The following TBC1D5 variants were observed in gnomAD, a reference collection of about 807,000 sequenced individuals.
TBC1D5 encodes TBC1 domain family member 5.
Under a neutral mutation model 100.3 loss-of-function variants are expected in TBC1D5, and 75 were observed. That is an observed-to-expected ratio of 0.75 (90% confidence interval 0.62 to 0.91). The LOEUF is 0.91. TBC1D5 is among the 40% of genes least tolerant of loss of function. The pLI is 0.00. For missense variants in TBC1D5, 910 were observed against 942.4 expected (o/e 0.97, Z 0.45); for synonymous variants, 323 against 325.6 (o/e 0.99, Z 0.09).
intron 16 of TBC1D5, among the ~76,000 whole-genome samples, chr3:17,252,493 T>C (rs2077259424): frequency 1.3e-5 from 2 of 152,194 alleles, no homozygotes; most frequent in Non-Finnish European, 1.5e-5. Context: ...GCCTGACATA[T>C]AAGAGGAAGC....
chr3:17,632,736 T>C (rs1252181673), intron 1 of TBC1D5, among the ~76,000 whole-genome samples: 1 of 152,240 alleles, frequency 6.6e-6, no homozygotes. Context: ...TCACATTTTT[T>C]AGCATGAAGG....
intron 2 of TBC1D5, among the ~76,000 whole-genome samples, chr3:17,599,135 C>CAGGA (rs2060765866): frequency 1.3e-5 from 2 of 152,178 alleles, no homozygotes; most frequent in Admixed American, 6.6e-5. Flanking sequence ...GTGATACAGA[C>CAGGA]AGGAGGCAGG....
intron 3 of TBC1D5, among the ~76,000 whole-genome samples, chr3:17,504,173 CATAAGTG>C: frequency 0.019 from 2 of 106 alleles, no homozygotes; most frequent in Non-Finnish European, 0.024. Flanking sequence ...TATTAATTAA[CATAAGTG>C]GAGGTACTCA....
At chr3:17,285,451 G>A (rs1053048322) in intron 15 of TBC1D5, among the ~76,000 whole-genome samples, 12 of 151,248 alleles carry the variant, frequency 7.9e-5, no homozygotes, top group Non-Finnish European at 1.5e-4. Context: ...TAGTAGAGAC[G>A]GGGTTTCACC....
intron 1 of TBC1D5, among the ~76,000 whole-genome samples, chr3:17,706,486 A>G (rs1012590833): frequency 2.6e-5 from 4 of 152,104 alleles, no homozygotes; most frequent in Admixed American, 6.5e-5. Context: ...TTAAACATGT[A>G]TTTCTTGAAT....
chr3:17,681,901 A>G (rs1179720714), intron 1 of TBC1D5, among the ~76,000 whole-genome samples: 1 of 151,580 alleles, frequency 6.6e-6, no homozygotes, highest in African/African-American at 2.4e-5. Flanking sequence ...TAAGATCATC[A>G]GCAGCATTAG....
At chr3:17,691,669 T>G (rs2071181367) in intron 1 of TBC1D5, among the ~76,000 whole-genome samples, 2 of 151,664 alleles carry the variant, frequency 1.3e-5, no homozygotes, top group Admixed American at 6.6e-5. Context: ...ATACAAAAAT[T>G]AGTTGGGCAT....
intron 2 of TBC1D5, among the ~76,000 whole-genome samples, chr3:17,519,201 T>A (rs980605198): frequency 1.3e-5 from 2 of 152,194 alleles, no homozygotes; most frequent in Non-Finnish European, 2.9e-5. Context: ...TTTTCAGGCT[T>A]AAGAAGCAGA....
intron 13 of TBC1D5, among the ~76,000 whole-genome samples, chr3:17,311,080 T>C (rs1268455010): frequency 6.6e-6 from 1 of 152,054 alleles, no homozygotes; most frequent in African/African-American, 2.4e-5. Flanking sequence ...AGCTTTTATA[T>C]TCTTGGAAAG....
intron 15 of TBC1D5, among the ~76,000 whole-genome samples, chr3:17,268,115 T>C (rs967902669): frequency 6.6e-6 from 1 of 150,936 alleles, no homozygotes; most frequent in Non-Finnish European, 1.5e-5. Context: ...TGGAGAAGAG[T>C]CCATGTAGAT....
intron 1 of TBC1D5, among the ~76,000 whole-genome samples, chr3:17,676,554 A>G (rs568907282): frequency 6.6e-6 from 1 of 152,292 alleles, no homozygotes; most frequent in East Asian, 1.9e-4. Flanking sequence ...AAGAATCAAT[A>G]TCGTGAAAAT....
chr3:17,473,335 G>A (rs893220575), intron 3 of TBC1D5, among the ~76,000 whole-genome samples: 1 of 152,274 alleles, frequency 6.6e-6, no homozygotes, highest in African/African-American at 2.4e-5. Flanking sequence ...GCAATTTCAT[G>A]TCCCTAACAT....
At chr3:17,730,224 T>C (rs887470518) in intron 1 of TBC1D5, among the ~76,000 whole-genome samples, 2 of 152,118 alleles carry the variant, frequency 1.3e-5, no homozygotes, top group African/African-American at 4.8e-5. Context: ...GTATTTTAAG[T>C]TTGTGTAGCA....
At chr3:17,236,489 A>ATT (rs754298173) in intron 17 of TBC1D5, among the ~76,000 whole-genome samples, 9 of 144,524 alleles carry the variant, frequency 6.2e-5, no homozygotes, top group East Asian at 2.0e-4. Context: ...TTTCAACGAG[A>ATT]TTTTTTTTTT....
At chr3:17,390,535 G>A (rs1309810031) in intron 8 of TBC1D5, among the ~76,000 whole-genome samples, 2 of 151,966 alleles carry the variant, frequency 1.3e-5, no homozygotes, top group Admixed American at 6.6e-5. Flanking sequence ...ATGCCCCAGG[G>A]GAAAAAGGAA....
chr3:17,531,762 T>C (rs1373802320), intron 2 of TBC1D5, among the ~76,000 whole-genome samples: 2 of 152,218 alleles, frequency 1.3e-5, no homozygotes, highest in Non-Finnish European at 2.9e-5. Flanking sequence ...TAAATGGTGC[T>C]GGGAAAACTG....
chr3:17,592,605 C>T (rs2060300562), intron 2 of TBC1D5, among the ~76,000 whole-genome samples: 1 of 152,204 alleles, frequency 6.6e-6, no homozygotes, highest in South Asian at 2.1e-4. Flanking sequence ...TGTCAAGTGA[C>T]CTGAAAGGCT....
intron 3 of TBC1D5, among the ~76,000 whole-genome samples, chr3:17,501,988 G>A (rs1046009744): frequency 6.7e-6 from 1 of 149,502 alleles, no homozygotes; most frequent in Non-Finnish European, 1.5e-5. Flanking sequence ...AAACATCAGT[G>A]ATATCTCATT....
chr3:17,676,641 GA>G (rs1221156362), intron 1 of TBC1D5, among the ~76,000 whole-genome samples: 5 of 152,074 alleles, frequency 3.3e-5, no homozygotes, highest in Non-Finnish European at 5.9e-5. Flanking sequence ...CACAGAATTG[GA>G]AAAAACTACT....
Sources: gnomAD v4.1 joint callset for allele counts (sites outside exome capture counted in the v4.1 genomes callset) on GRCh38, gnomAD v4.1.1 for gene constraint, MANE v1.5 for transcripts, NCBI Gene and HGNC (gene_info 2026-07-23, HGNC 2026-07-21) for gene names.